The following NRCAM variants were observed in gnomAD, a reference collection of about 807,000 sequenced individuals.
NRCAM encodes the protein neuronal cell adhesion molecule.
A neutral mutation model predicts 156.5 loss-of-function variants in NRCAM; 83 were observed. The observed-to-expected ratio is 0.53, with a 90% confidence interval of 0.44 to 0.64. The LOEUF is 0.64. Among genes scored for constraint, NRCAM ranks in the 30% least tolerant of loss-of-function variants. The pLI is 0.00. For missense variants in NRCAM, 1,417 were observed against 1,597.3 expected, an observed-to-expected ratio of 0.89 and a Z score of 1.92; for synonymous variants, 538 against 563.9, an observed-to-expected ratio of 0.95 and a Z score of 0.65.
In NRCAM at chr7:108,225,655, C is replaced by T; in HGVS notation, c.768G>A (p.Glu256=). 1 of 1,592,520 alleles carries T rather than the reference C, an allele frequency of 6.3e-7. No homozygotes were observed. Among genetic ancestry groups the T allele is most frequent in the Non-Finnish European group, 8.6e-7 (1 of 1,160,536 alleles). ...ATCACCATAACTCACCACCATAAAA[C>T]TCAGTGTCACTCAAATTAGCAGCTA... The part of the protein sequence containing the change: ...DTIAANLSDT[E]FYGAKSSRER... The change falls in exon 10 of 33, where the codon GAG becomes GAA. Residue 256 remains glutamate, a synonymous_variant. Coordinates refer to ENST00000379028, the MANE Select transcript of NRCAM (RefSeq NM_001037132.4).
chr7:108,451,528 A>G (rs1598579924), intron 1 of NRCAM, among the ~76,000 whole-genome samples: 1 of 152,358 alleles, frequency 6.6e-6, no homozygotes, highest in Non-Finnish European at 1.5e-5. Flanking sequence ...CATCATTTGC[A>G]ATAGCCAAAA....
chr7:108,407,311 C>T (rs2099809961), intron 1 of NRCAM, among the ~76,000 whole-genome samples: 1 of 152,166 alleles, frequency 6.6e-6, no homozygotes, highest in Admixed American at 6.5e-5. Flanking sequence ...TATTTAATCG[C>T]TGCCCTAATA....
chr7:108,223,821 T>C lies in NRCAM; in HGVS notation c.794A>G (p.Glu265Gly). ...TGGAGTTAAAAATGTTGGTGGCCTC[T>C]CTCTACTTGATTTAGCTGCAAACAA... ...TEFYGAKSSR[E>G]RPPTFLTPEG... The change falls in exon 11 of 33, where the codon GAG becomes GGG. Residue 265 changes from glutamate to glycine, a missense_variant. Coordinates refer to ENST00000379028, the MANE Select transcript of NRCAM (RefSeq NM_001037132.4). 1 of 1,590,266 alleles carries C rather than the reference T, an allele frequency of 6.3e-7. No individual in the cohort carries two copies. The highest frequency in any genetic ancestry group is 8.6e-7 in the Non-Finnish European group (1 of 1,158,738).
chr7:108,177,697 ACACG>A (rs1447247810), intron 26 of NRCAM, among the ~76,000 whole-genome samples: 5 of 17,166 alleles, frequency 2.9e-4, no homozygotes, highest in African/African-American at 4.8e-4. Flanking sequence ...ATATATATAT[ACACG>A]TATATATATA....
At chr7:108,341,579 G>A (rs775188448) in intron 2 of NRCAM, among the ~76,000 whole-genome samples, 4 of 152,090 alleles carry the variant, frequency 2.6e-5, no homozygotes, top group Non-Finnish European at 4.4e-5. Context: ...AGGAACAACC[G>A]TTTGTGGTCC....
At chr7:108,242,319 T>C (rs2095592732) in intron 3 of NRCAM, among the ~76,000 whole-genome samples, 1 of 151,624 alleles carries the variant, frequency 6.6e-6, no homozygotes, top group Non-Finnish European at 1.5e-5. Flanking sequence ...ACATAAATAT[T>C]ATTTTGTGAA....
At chr7:108,435,237 G>A (rs1830636527) in intron 1 of NRCAM, among the ~76,000 whole-genome samples, 1 of 152,146 alleles carries the variant, frequency 6.6e-6, no homozygotes, top group Non-Finnish European at 1.5e-5. Context: ...GGAAATTTTG[G>A]AGTTGAAAAG....
intron 2 of NRCAM, among the ~76,000 whole-genome samples, chr7:108,329,782 C>CAA (rs1197133841): frequency 6.6e-6 from 1 of 152,130 alleles, no homozygotes; most frequent in Non-Finnish European, 1.5e-5. Context: ...GAAACCCAAC[C>CAA]AAGTAGAGAC....
intron 3 of NRCAM, among the ~76,000 whole-genome samples, chr7:108,281,382 T>C (rs939852099): frequency 6.6e-6 from 1 of 152,008 alleles, no homozygotes; most frequent in African/African-American, 2.4e-5. Flanking sequence ...CCGTGTATAG[T>C]AGGGGAGATA....
In NRCAM at chr7:108,240,029, T is replaced by G. The variant is rs978496385; in HGVS notation, c.36A>C (p.Leu12Phe). The change falls in exon 4 of 33, where the codon TTA (leucine) becomes TTC (phenylalanine). Residue 12 changes from leucine (L) to phenylalanine (F), a missense_variant. Coordinates refer to ENST00000379028, the MANE Select transcript of NRCAM (RefSeq NM_001037132.4). ...QLKIMPKKKR[L>F]SAGRVPLILF... is the part of the protein sequence containing the mutation. ...GAATCAGGGGCACTCTGCCCGCAGATAAGCGCTTCTTTTTCGGCATTATTT... is the reference window on the plus strand; with the variant it reads ...GAATCAGGGGCACTCTGCCCGCAGAGAAGCGCTTCTTTTTCGGCATTATTT... The G allele has an allele frequency of 1.9e-6, 3 of 1,613,232 alleles. No individual in the cohort carries two copies. The highest frequency in any genetic ancestry group is 1.7e-5 in the Admixed American group (1 of 59,968).
At chr7:108,291,835 G>GT (rs1167986053) in intron 3 of NRCAM, among the ~76,000 whole-genome samples, 22 of 152,134 alleles carry the variant, frequency 1.4e-4, no homozygotes, top group Admixed American at 1.4e-3. Context: ...CTAAATGGCC[G>GT]TAATTTTCTG....
rs770136886 is a variant in NRCAM, at chr7:108,181,824, G to C, written c.2644C>G (p.Arg882Gly). The change falls in exon 24 of 33, where the codon CGG (arginine) becomes GGG (glycine). Residue 882 changes from arginine (R) to glycine (G), a missense_variant and splice_region_variant. This residue lies in a region of NRCAM where 1,238 missense variants were observed against 1,336.4 expected (regional missense o/e 0.93). Transcript: ENST00000379028. ...KSIRGHLQGY[R>G]IYYWKTQSSS... ...ACAAAAGGTCCCCTTTCACTTGCCC[G>C]ATAGCCTTGTAGGTGTCCTCGGATG... 1.2e-6 allele frequency: 2 copies of C among 1,612,060 alleles called. No homozygotes were observed. Among genetic ancestry groups the C allele is most frequent in the Non-Finnish European group, 1.7e-6 (2 of 1,178,338 alleles).
intron 2 of NRCAM, among the ~76,000 whole-genome samples, chr7:108,370,857 C>T (rs2099623893): frequency 6.6e-6 from 1 of 151,022 alleles, no homozygotes. Flanking sequence ...TCACACCTTA[C>T]AGAATTCATA....
In NRCAM at chr7:108,293,400, G is replaced by A. The variant is rs557067724; in HGVS notation, c.-107+19265C>T. 6.6e-4 allele frequency among the ~76,000 whole-genome samples: 100 copies of A among 152,258 alleles called. 1 individual carries two copies. Among genetic ancestry groups the A allele is most frequent in the African/African-American group, 2.4e-3 (99 of 41,552 alleles). On this transcript the variant is annotated intron_variant, in intron 3 of 32. Coordinates refer to ENST00000379028, the MANE Select transcript of NRCAM (RefSeq NM_001037132.4). ...AGGCTAGCTGCCCTTCCTTCCTGCT[G>A]CTAAGAGGGCTCAGCTGCTTATCTT...
intron 3 of NRCAM, among the ~76,000 whole-genome samples, chr7:108,254,626 C>A (rs1014538145): frequency 6.8e-6 from 1 of 146,474 alleles, no homozygotes; most frequent in African/African-American, 2.6e-5. Context: ...CAGCTAAGGG[C>A]AACCTCTGTC....
intron 1 of NRCAM, among the ~76,000 whole-genome samples, chr7:108,406,869 G>A (rs1451902746): frequency 6.6e-6 from 1 of 152,168 alleles, no homozygotes; most frequent in Non-Finnish European, 1.5e-5. Flanking sequence ...ACTGGGTAAT[G>A]CATACTAGTA....
chr7:108,188,779 A>C (rs2068992131), intron 20 of NRCAM, among the ~76,000 whole-genome samples: 1 of 150,806 alleles, frequency 6.6e-6, no homozygotes, highest in Admixed American at 6.6e-5. Context: ...CCATTAAACA[A>C]CACAAGATAG....
intron 3 of NRCAM, among the ~76,000 whole-genome samples, chr7:108,305,195 CCAGT>C (rs1193374033): frequency 6.6e-6 from 1 of 152,020 alleles, no homozygotes; most frequent in African/African-American, 2.4e-5. Flanking sequence ...AAAATATATC[CCAGT>C]CAAATAACTT....
At chr7:108,244,215 C>T (rs1231175274) in intron 3 of NRCAM, among the ~76,000 whole-genome samples, 1 of 152,064 alleles carries the variant, frequency 6.6e-6, no homozygotes. Flanking sequence ...AGCATCCCAA[C>T]ATGGGTGGGT....
Sources: gnomAD v4.1 joint callset for allele counts (sites outside exome capture counted in the v4.1 genomes callset) on GRCh38, gnomAD v4.1.1 for gene constraint, gnomAD v4.1.1 regional missense constraint, MANE v1.5 for transcripts, NCBI Gene and HGNC (gene_info 2026-07-23, HGNC 2026-07-21) for gene names.